The following GLT1D1 variants were observed in gnomAD, a reference collection of about 807,000 sequenced individuals.
GLT1D1 encodes glycosyltransferase 1 domain containing 1, also known as glycosyltransferase 1 domain-containing protein 1.
GLT1D1 carries 21 observed loss-of-function variants against 28.7 expected under a neutral mutation model. The observed-to-expected ratio is 0.73, with a 90% CI of 0.52 to 1.05. The LOEUF is 1.05. GLT1D1 is among the 50% of genes least tolerant of loss of function. GLT1D1 has a pLI of 0.00. For synonymous variants in GLT1D1, 147 were observed against 124.8 expected (o/e 1.18, Z -1.19); for missense variants, 343 against 330.6 (o/e 1.04, Z -0.29).
chr12:128,889,865 C>T (rs1349772254), intron 3 of GLT1D1, among the ~76,000 whole-genome samples: 2 of 152,236 alleles, frequency 1.3e-5, no homozygotes, highest in Admixed American at 1.3e-4. Context: ...ACCTCAGCCT[C>T]CCGGGTTCAG....
At chr12:128,939,182 A>G (rs1235197949) in intron 4 of GLT1D1, among the ~76,000 whole-genome samples, 1 of 152,128 alleles carries the variant, frequency 6.6e-6, no homozygotes, top group Non-Finnish European at 1.5e-5. Flanking sequence ...TCAGGCAATC[A>G]GGGAGCTTCT....
intron 1 of GLT1D1, among the ~76,000 whole-genome samples, chr12:128,861,474 C>T (rs972858959): frequency 1.3e-5 from 2 of 152,098 alleles, no homozygotes; most frequent in African/African-American, 4.8e-5. Context: ...AAGATGGTCT[C>T]GGGAAGAGAA....
At chr12:128,963,959 G>A (rs1878210728) in intron 7 of GLT1D1, among the ~76,000 whole-genome samples, 1 of 152,192 alleles carries the variant, frequency 6.6e-6, no homozygotes, top group Admixed American at 6.5e-5. Flanking sequence ...TATAGACTGG[G>A]GGCTTAAGCA....
At chr12:128,900,688 T>A (rs1030304349) in intron 4 of GLT1D1, among the ~76,000 whole-genome samples, 1 of 149,110 alleles carries the variant, frequency 6.7e-6, no homozygotes, top group African/African-American at 2.5e-5. Context: ...CAGGCTAGAG[T>A]GTAATGGTGC....
At chr12:128,878,626 G>A (rs919147452) in intron 2 of GLT1D1, among the ~76,000 whole-genome samples, 2 of 145,986 alleles carry the variant, frequency 1.4e-5, no homozygotes, top group African/African-American at 5.1e-5. Flanking sequence ...CTTTTTTTTT[G>A]ACACAGGGTC....
At chr12:128,934,504 A>G (rs1051028602) in intron 4 of GLT1D1, among the ~76,000 whole-genome samples, 3 of 151,996 alleles carry the variant, frequency 2.0e-5, no homozygotes, top group African/African-American at 4.8e-5. Flanking sequence ...AGCTCAGTCT[A>G]TTTTTAGGAG....
intron 1 of GLT1D1, among the ~76,000 whole-genome samples, chr12:128,874,120 CTCTCTCTTTCTTTCTTTCTTTCTTTCTT>C (rs1166390889): frequency 1.5e-3 from 78 of 52,800 alleles, no homozygotes; most frequent in Non-Finnish European, 1.5e-3. Context: ...CTCTCTCTCT[CTCTCTCTTTCTTTCTTTCTTTCTTTCTT>C]TCTTTCTTTC....
intron 3 of GLT1D1, among the ~76,000 whole-genome samples, chr12:128,897,582 C>T (rs1360338561): frequency 6.6e-6 from 1 of 152,086 alleles, no homozygotes; most frequent in Admixed American, 6.6e-5. Flanking sequence ...AGCTCCTGAA[C>T]CATCTTTTGA....
chr12:128,893,351 A>G (rs190931379), intron 3 of GLT1D1, among the ~76,000 whole-genome samples: 1 of 152,346 alleles, frequency 6.6e-6, no homozygotes, highest in East Asian at 1.9e-4. Context: ...GGAAATCTAT[A>G]GCACACGATA....
intron 4 of GLT1D1, 130 bp from the exon 5 acceptor site, chr12:128,912,294 G>C (rs1192877798): frequency 1.8e-6 from 1 of 543,044 alleles, no homozygotes; most frequent in Non-Finnish European, 3.2e-6. Flanking sequence ...ATGAGCAGCT[G>C]TGTAGATGAT....
intron 4 of GLT1D1, among the ~76,000 whole-genome samples, chr12:128,906,652 T>G (rs1229745886): frequency 6.6e-6 from 1 of 151,724 alleles, no homozygotes. Flanking sequence ...TCATTCATAA[T>G]GGCCCATCAA....
chr12:128,977,672 T>C (rs1879892765), intron 7 of GLT1D1, among the ~76,000 whole-genome samples: 1 of 152,138 alleles, frequency 6.6e-6, no homozygotes, highest in Non-Finnish European at 1.5e-5. Context: ...AGGTGAGGCT[T>C]GTTTTAAACT....
chr12:128,969,280 ACTCT>A (rs375310886), intron 7 of GLT1D1, among the ~76,000 whole-genome samples: 4 of 117,864 alleles, frequency 3.4e-5, no homozygotes, highest in East Asian at 5.0e-4. Context: ...TCTCTCTCTC[ACTCT>A]CTCTCTCTCT....
At chr12:128,862,993 A>C (rs1453885198) in intron 1 of GLT1D1, among the ~76,000 whole-genome samples, 1 of 152,230 alleles carries the variant, frequency 6.6e-6, no homozygotes, top group African/African-American at 2.4e-5. Context: ...GTAGGGTCCA[A>C]GGAAGAGCTT....
rs1174737837 is a variant in GLT1D1 at position 128,881,561 on chromosome 12, AATATATATAT to A, written c.217+5523_217+5532del. Among the ~76,000 whole-genome samples, 139 of 33,694 alleles carry A rather than the reference AATATATATAT, an allele frequency of 4.1e-3. 4 individuals carry two copies. Among genetic ancestry groups the A allele is most frequent in the African/African-American group, 0.012 (109 of 9,026 alleles). The allele number at this position is 33,694 out of a possible 152,430, so 22.1% of individuals were successfully genotyped here. A position where few individuals can be genotyped will look rare whatever the true frequency, so the allele number is the denominator to read the frequency against. On this transcript the variant is annotated intron_variant, in intron 2 of 7. Transcript: ENST00000281703. ...AAAAAAAAAAAAAAAAAAAAAAAAA[AATATATATAT>A]ATATATATATATATATATATATAAA... is the stretch of plus-strand genomic sequence containing the variant.
chr12:128,951,162 G>A (rs547821532), intron 6 of GLT1D1, among the ~76,000 whole-genome samples: 2 of 152,230 alleles, frequency 1.3e-5, no homozygotes, highest in African/African-American at 4.8e-5. Context: ...CAGCACTTTG[G>A]GAGGCTGAGG....
intron 2 of GLT1D1, among the ~76,000 whole-genome samples, chr12:128,880,614 T>C (rs984365283): frequency 5.3e-5 from 8 of 152,220 alleles, no homozygotes; most frequent in African/African-American, 1.9e-4. Context: ...GTTGCAGACA[T>C]TGAGTTGCCC....
At chr12:128,890,931 A>G (rs1201597563) in intron 3 of GLT1D1, among the ~76,000 whole-genome samples, 1 of 152,050 alleles carries the variant, frequency 6.6e-6, no homozygotes, top group Non-Finnish European at 1.5e-5. Flanking sequence ...CTCGGGAGGC[A>G]GAGGTTGCAG....
intron 7 of GLT1D1, among the ~76,000 whole-genome samples, chr12:128,959,382 A>G (rs1444528201): frequency 1.4e-5 from 2 of 138,338 alleles, no homozygotes; most frequent in Middle Eastern, 3.5e-3. Context: ...TCCAGCACAA[A>G]CAAGATGAAA....
Sources: gnomAD v4.1 joint callset for allele counts (sites outside exome capture counted in the v4.1 genomes callset) on GRCh38, gnomAD v4.1.1 for gene constraint, MANE v1.5 for transcripts, NCBI Gene and HGNC (gene_info 2026-07-23, HGNC 2026-07-21) for gene names.